KIRREL3: variants seen among roughly 807,000 people sequenced by gnomAD.
KIRREL3 encodes kin of IRRE-like protein 3.
KIRREL3 carries 36 observed loss-of-function variants against 89.7 expected under a neutral mutation model. The observed-to-expected ratio is 0.40, with a 90% CI of 0.31 to 0.53. The LOEUF (loss-of-function observed/expected upper bound fraction) is 0.53. Ranked by LOEUF, KIRREL3 falls within the 20% of genes least tolerant of loss-of-function variation. KIRREL3 has a pLI of 0.49. For missense variants in KIRREL3, 864 were observed against 1,056.6 expected, an observed-to-expected ratio of 0.82 and a Z score of 2.53; for synonymous variants, 445 against 441.4, an observed-to-expected ratio of 1.01 and a Z score of -0.10.
intron 5 of KIRREL3, among the ~76,000 whole-genome samples, chr11:126,467,974 G>A (rs1300541075): frequency 6.6e-6 from 1 of 152,158 alleles, no homozygotes; most frequent in African/African-American, 2.4e-5. Context: ...CCTGAGTGGG[G>A]TCTCCAGAGC....
intron 1 of KIRREL3, among the ~76,000 whole-genome samples, chr11:126,619,676 G>A (rs1943499698): frequency 1.3e-5 from 2 of 152,254 alleles, no homozygotes; most frequent in African/African-American, 4.8e-5. Context: ...GTGCACTGGT[G>A]CACTTTGACC....
chr11:126,969,904 A>G lies in KIRREL3; in HGVS notation c.55+30551T>C, dbSNP rs773486754. ...GGAGTCCAAACACATTCATAAAATAATTTTGTAGGGCTGGTAGTTAGTTCC... is the reference window on the plus strand; with the variant it reads ...GGAGTCCAAACACATTCATAAAATAGTTTTGTAGGGCTGGTAGTTAGTTCC... On this transcript the variant is annotated intron_variant, in intron 1 of 16. Coordinates refer to ENST00000525144, the MANE Select transcript of KIRREL3 (RefSeq NM_032531.4). This position sits in a 1 kb window ranked among gnomAD's most constrained non-coding sequence, Gnocchi z 4.9. Among the ~76,000 whole-genome samples the G allele has an allele frequency of 1.3e-5, 2 of 152,198 alleles. No individual in the cohort carries two copies. The highest frequency in any genetic ancestry group is 6.5e-5 in the Admixed American group (1 of 15,276).
chr11:126,606,113 T>A lies in KIRREL3; in HGVS notation c.56-43201A>T, dbSNP rs921939846. On this transcript the variant is annotated intron_variant, in intron 1 of 16. Coordinates refer to ENST00000525144, the MANE Select transcript of KIRREL3 (RefSeq NM_032531.4). The surrounding 1 kb of genome is among the most constrained non-coding windows in gnomAD (Gnocchi z 4.6). ...CAGTAAAATGGAGCTAATAATCATATTTGCTTCATAGAGCCTGTTTCGAGC... is the reference window on the plus strand; with the variant it reads ...CAGTAAAATGGAGCTAATAATCATAATTGCTTCATAGAGCCTGTTTCGAGC... Among the ~76,000 whole-genome samples, 1 of 152,340 alleles carries A rather than the reference T, an allele frequency of 6.6e-6. No individual in the cohort carries two copies. The highest frequency in any genetic ancestry group is 3.4e-3 in the Middle Eastern group (1 of 294).
chr11:126,570,545 A>G lies in KIRREL3; in HGVS notation c.56-7633T>C, dbSNP rs1940848034. On this transcript the variant is annotated intron_variant, in intron 1 of 16. Transcript: ENST00000525144. The surrounding 1 kb of genome is among the most constrained non-coding windows in gnomAD (Gnocchi z 6.1). ...CATCTCACCAGCTCCAGCAGGCAGC[A>G]AGCCTCCCTCACACACCTGCTGATC... is the stretch of plus-strand genomic sequence containing the variant. Among the ~76,000 whole-genome samples the G allele has an allele frequency of 6.6e-6, 1 of 152,248 alleles. No homozygotes were observed. Among genetic ancestry groups the G allele is most frequent in the Non-Finnish European group, 1.5e-5 (1 of 68,038 alleles).
chr11:126,777,926 T>C (rs536889671), intron 1 of KIRREL3, among the ~76,000 whole-genome samples: 1 of 151,870 alleles, frequency 6.6e-6, no homozygotes, highest in Non-Finnish European at 1.5e-5. Flanking sequence ...TTGAGCAGGA[T>C]GGCTGGAAAA....
intron 1 of KIRREL3, among the ~76,000 whole-genome samples, chr11:126,700,374 A>G (rs1947268183): frequency 6.6e-6 from 1 of 152,200 alleles, no homozygotes; most frequent in Non-Finnish European, 1.5e-5. Context: ...TTTCCTCTTC[A>G]TTACAGCTGC....
In KIRREL3 at chr11:126,744,356, C is replaced by T. The variant is rs1326900604; in HGVS notation, c.56-181444G>A. Among the ~76,000 whole-genome samples, 1 of 151,894 alleles carries T rather than the reference C, an allele frequency of 6.6e-6. No individual in the cohort carries two copies. Among genetic ancestry groups the T allele is most frequent in the Non-Finnish European group, 1.5e-5 (1 of 67,992 alleles). ...GTTCACCCGCAGGAGGTGTGCTGAC[C>T]AGAGAGGATGAAAGGGAAGCTGGAG... On this transcript the variant is annotated intron_variant, in intron 1 of 16. Transcript: ENST00000525144. The surrounding 1 kb of genome is among the most constrained non-coding windows in gnomAD (Gnocchi z 4.7).
chr11:126,838,963 G>A (rs1402368382), intron 1 of KIRREL3, among the ~76,000 whole-genome samples: 2 of 152,184 alleles, frequency 1.3e-5, no homozygotes, highest in African/African-American at 2.4e-5. Flanking sequence ...AAACAGTGCT[G>A]TGGCTGGAGA....
At chr11:126,857,394 G>A (rs1944554819) in intron 1 of KIRREL3, among the ~76,000 whole-genome samples, 1 of 152,214 alleles carries the variant, frequency 6.6e-6, no homozygotes, top group Admixed American at 6.5e-5. Flanking sequence ...TGCTGTGGGA[G>A]GATGAGTATT....
intron 1 of KIRREL3, among the ~76,000 whole-genome samples, chr11:126,810,802 G>T (rs1051036205): frequency 6.6e-6 from 1 of 152,160 alleles, no homozygotes; most frequent in Non-Finnish European, 1.5e-5. Flanking sequence ...ACACCAAATC[G>T]ATCAGGGAGG....
rs1944279256 is a variant in KIRREL3 at position 126,636,761 on chromosome 11, GATGCAGCAATA to G, written c.56-73860_56-73850del. Among the ~76,000 whole-genome samples the G allele has an allele frequency of 1.3e-5, 2 of 152,186 alleles. No individual in the cohort carries two copies. Among genetic ancestry groups the G allele is most frequent in the Admixed American group, 1.3e-4 (2 of 15,282 alleles). ...TTTGTACCACCTCAGAACAGCAGGG[GATGCAGCAATA>G]ATGCCAACTAGGAGTCCGGATGATC... On this transcript the variant is annotated intron_variant, in intron 1 of 16. Transcript: ENST00000525144. The surrounding 1 kb of genome is among the most constrained non-coding windows in gnomAD (Gnocchi z 4.4).
At chr11:126,626,264 A>G (rs1417260584) in intron 1 of KIRREL3, among the ~76,000 whole-genome samples, 8 of 152,190 alleles carry the variant, frequency 5.3e-5, no homozygotes, top group Non-Finnish European at 1.5e-5. Context: ...GTGCCCTTTA[A>G]CTACCATGTC....
rs993608283 is a variant in KIRREL3 at position 126,843,340 on chromosome 11, A to T, written c.55+157115T>A. Among the ~76,000 whole-genome samples, 2 of 152,206 alleles carry T rather than the reference A, an allele frequency of 1.3e-5. No individual in the cohort carries two copies. The highest frequency in any genetic ancestry group is 2.4e-5 in the African/African-American group (1 of 41,452). On this transcript the variant is annotated intron_variant, in intron 1 of 16. Coordinates refer to ENST00000525144, the MANE Select transcript of KIRREL3 (RefSeq NM_032531.4). This position sits in a 1 kb window ranked among gnomAD's most constrained non-coding sequence, Gnocchi z 4.6. ...CTCGAAGTCAAAGGCAATCTGGAAG[A>T]TCTCCAAGTGTAAAGGTGCATGAGA... is the stretch of plus-strand genomic sequence containing the variant.
chr11:126,812,041 C>T lies in KIRREL3; in HGVS notation c.55+188414G>A, dbSNP rs1951407353. ...GGTGGCAAATATGAGCAGGTTAAGG[C>T]ACTTTTCGGGATTAGAGAATCTTCA... is the stretch of plus-strand genomic sequence containing the variant. On this transcript the variant is annotated intron_variant, in intron 1 of 16. Coordinates refer to ENST00000525144, the MANE Select transcript of KIRREL3 (RefSeq NM_032531.4). This position sits in a 1 kb window ranked among gnomAD's most constrained non-coding sequence, Gnocchi z 5.2. Among the ~76,000 whole-genome samples the T allele has an allele frequency of 6.6e-6, 1 of 152,158 alleles. No homozygotes were observed. Among genetic ancestry groups the T allele is most frequent in the African/African-American group, 2.4e-5 (1 of 41,420 alleles).
rs200400042 is a variant in KIRREL3, at chr11:126,472,816, A to C, written c.591+493T>G. ...ATGAGAAAAAGTGACACAGAGTGAG[A>C]GAGCAAAAAAAGATACAAGGAGACA... On this transcript the variant is annotated intron_variant, in intron 5 of 16. Transcript: ENST00000525144. 1.8e-4 allele frequency among the ~76,000 whole-genome samples: 27 copies of C among 152,124 alleles called. No individual in the cohort carries two copies. In the East Asian group the frequency reaches 4.8e-3, roughly 27 times the overall value.
chr11:126,765,331 G>A (rs1437619343), intron 1 of KIRREL3, among the ~76,000 whole-genome samples: 1 of 152,172 alleles, frequency 6.6e-6, no homozygotes, highest in Admixed American at 6.5e-5. Flanking sequence ...ACACATGAGA[G>A]TCAAACCCTC....
rs1000830734 is a variant in KIRREL3, at chr11:126,541,250, T to A, written c.134-14563A>T. Among the ~76,000 whole-genome samples, 1 of 152,204 alleles carries A rather than the reference T, an allele frequency of 6.6e-6. No homozygotes were observed. The highest frequency in any genetic ancestry group is 1.5e-5 in the Non-Finnish European group (1 of 68,038). ...CCTGGGCCCAGAAGGTACCAGTTGA[T>A]GCTGCCTCTGCCACCTCTTAGCTGT... is the stretch of plus-strand genomic sequence containing the variant. On this transcript the variant is annotated intron_variant, in intron 2 of 16. Transcript: ENST00000525144. This position sits in a 1 kb window ranked among gnomAD's most constrained non-coding sequence, Gnocchi z 4.8.
At chr11:126,436,659 G>A (rs761668624) in intron 12 of KIRREL3, among the ~76,000 whole-genome samples, 152 bp downstream of exon 12, 4 of 152,248 alleles carry the variant, frequency 2.6e-5, no homozygotes, top group African/African-American at 4.8e-5. Flanking sequence ...GAGGCTGCTG[G>A]CTGGCTAGGC....
intron 1 of KIRREL3, among the ~76,000 whole-genome samples, chr11:126,874,623 A>G (rs1945210939): frequency 6.6e-6 from 1 of 152,222 alleles, no homozygotes; most frequent in Non-Finnish European, 1.5e-5. Context: ...CAGTTTGGGA[A>G]GGAATTAGCC....
Sources: allele counts gnomAD v4.1 joint callset (sites outside exome capture counted in the v4.1 genomes callset), GRCh38; gene constraint gnomAD v4.1.1; non-coding constraint Gnocchi (gnomAD v3.1); transcripts MANE v1.5; gene names NCBI Gene and HGNC (gene_info 2026-07-23, HGNC 2026-07-21).